The following RORA variants were observed in gnomAD, a reference collection of about 807,000 sequenced individuals.
RORA encodes the protein RAR related orphan receptor A.
Under a neutral mutation model 69.5 loss-of-function variants are expected in RORA, and 7 were observed. The observed-to-expected ratio is 0.10, with a 90% CI of 0.06 to 0.19. The LOEUF (loss-of-function observed/expected upper bound fraction) is 0.19. Ranked by LOEUF, RORA falls within the 10% of genes least tolerant of loss-of-function variation. The pLI, the probability that RORA is intolerant of heterozygous loss-of-function variation, is 1.00. For missense variants in RORA, 457 were observed against 663.0 expected (o/e 0.69, Z 3.41); for synonymous variants, 261 against 240.8 (o/e 1.08, Z -0.78).
At chr15:61,008,372 C>A (rs1894989085) in intron 1 of RORA, among the ~76,000 whole-genome samples, 1 of 151,960 alleles carries the variant, frequency 6.6e-6, no homozygotes, top group Non-Finnish European at 1.5e-5. Context: ...TGATTTAGCT[C>A]TCTAAAGAGA....
chr15:60,910,364 C>A (rs1891669092), intron 1 of RORA, among the ~76,000 whole-genome samples: 1 of 152,154 alleles, frequency 6.6e-6, no homozygotes, highest in African/African-American at 2.4e-5. Context: ...AATATTAATC[C>A]CAGGCAAGTC....
rs942009773 is a variant in RORA, at chr15:61,213,283, G to A, written c.166+15770C>T. ...CCTTCCACTCCCAACCCTCACCCCA[G>A]TCTTGGCCTTCAATATCAGTCACCA... On this transcript the variant is annotated intron_variant, in intron 1 of 10. Transcript: ENST00000335670. This position sits in a 1 kb window ranked among gnomAD's most constrained non-coding sequence, Gnocchi z 4.1. 2.0e-5 allele frequency among the ~76,000 whole-genome samples: 3 copies of A among 152,138 alleles called. No homozygotes were observed. The highest frequency in any genetic ancestry group is 3.4e-3 in the Middle Eastern group (1 of 294).
chr15:60,565,402 C>T (rs776749117), intron 2 of RORA, among the ~76,000 whole-genome samples: 11 of 152,130 alleles, frequency 7.2e-5, no homozygotes, highest in Non-Finnish European at 1.2e-4. Context: ...TTCATGTATT[C>T]ATTAGCAGAG....
intron 1 of RORA, among the ~76,000 whole-genome samples, chr15:60,803,332 C>A (rs1039684490): frequency 2.6e-4 from 40 of 152,288 alleles, no homozygotes; most frequent in African/African-American, 9.4e-4. Flanking sequence ...ATTCTTCACT[C>A]AGGGAAGGGG....
chr15:60,966,915 T>C (rs918003652), intron 1 of RORA, among the ~76,000 whole-genome samples: 1 of 152,176 alleles, frequency 6.6e-6, no homozygotes, highest in African/African-American at 2.4e-5. Context: ...TCAACTGCCA[T>C]GATGTTTCTG....
chr15:60,602,369 G>A (rs1596042772), intron 2 of RORA, among the ~76,000 whole-genome samples: 1 of 152,100 alleles, frequency 6.6e-6, no homozygotes, highest in Non-Finnish European at 1.5e-5. Flanking sequence ...TGTCTTGTTT[G>A]TTATATTATC....
At position 60,525,967 on chromosome 15, in the gene RORA, A is replaced by G. The variant is rs2066340648; in HGVS notation, c.282+5799T>C. Among the ~76,000 whole-genome samples the G allele has an allele frequency of 2.0e-5, 3 of 152,096 alleles. No individual in the cohort carries two copies. The South Asian group carries it at 6.2e-4, about 32-fold the overall frequency. ...GATAACTTCATTTTATTGAGGGGTA[A>G]ACATAAAGGGCATGCATGGATTAAA... On this transcript the variant is annotated intron_variant, in intron 3 of 10. Transcript: ENST00000335670.
At chr15:60,986,960 G>A (rs1171643018) in intron 1 of RORA, among the ~76,000 whole-genome samples, 1 of 152,130 alleles carries the variant, frequency 6.6e-6, no homozygotes, top group African/African-American at 2.4e-5. Context: ...TCATATGTTT[G>A]TTTGTTCATT....
At chr15:61,119,754 G>A (rs938273286) in intron 1 of RORA, among the ~76,000 whole-genome samples, 3 of 152,188 alleles carry the variant, frequency 2.0e-5, no homozygotes, top group African/African-American at 7.2e-5. Context: ...AGGACAGCTG[G>A]AGTATACCAG....
chr15:60,489,445 T>C lies in RORA; in HGVS notation c.*8010A>G, dbSNP rs2065006680. The C allele has an allele frequency of 6.6e-6, 1 of 152,230 alleles. No individual in the cohort carries two copies. Among genetic ancestry groups the C allele is most frequent in the Non-Finnish European group, 1.5e-5 (1 of 68,042 alleles). The allele number at this position is 152,230 out of a possible 1,614,324, so 9.4% of individuals were successfully genotyped here. A position where few individuals can be genotyped will look rare whatever the true frequency, so the allele number is the denominator to read the frequency against. ...AATCTTTGCTAAAGATCTTACAAAT[T>C]CAGTAATATTACAGAACAATTCTAA... On this transcript the variant is annotated 3_prime_UTR_variant, in exon 11 of 11. Coordinates refer to ENST00000335670, the MANE Select transcript of RORA (RefSeq NM_134261.3).
intron 1 of RORA, among the ~76,000 whole-genome samples, chr15:61,225,908 G>C (rs1197433540): frequency 6.6e-6 from 1 of 151,878 alleles, no homozygotes; most frequent in Middle Eastern, 3.2e-3. Flanking sequence ...GTGTTGTTAA[G>C]ATGGAACTGA....
At chr15:61,160,912 A>G (rs4583176) in intron 1 of RORA, among the ~76,000 whole-genome samples, 107,525 of 151,982 alleles carry the variant, frequency 0.71, 38,862 homozygotes, top group Non-Finnish European at 0.77. Context: ...ATCTGGGAAG[A>G]ATGTTTCTGG....
chr15:60,772,343 G>C (rs2072090388), intron 1 of RORA, among the ~76,000 whole-genome samples: 1 of 152,078 alleles, frequency 6.6e-6, no homozygotes, highest in Non-Finnish European at 1.5e-5. Context: ...CAGGTGGCAG[G>C]ATTCTCTTGC....
intron 1 of RORA, among the ~76,000 whole-genome samples, chr15:61,183,852 T>G (rs2079713170): frequency 6.6e-6 from 1 of 152,156 alleles, no homozygotes; most frequent in African/African-American, 2.4e-5. Flanking sequence ...ATCAATAGTC[T>G]CATGTCCTCC....
At chr15:60,892,532 C>T (rs2073823791) in intron 1 of RORA, among the ~76,000 whole-genome samples, 1 of 152,098 alleles carries the variant, frequency 6.6e-6, no homozygotes, top group Admixed American at 6.5e-5. Flanking sequence ...ACTGTTGGTA[C>T]CACCAGTGTC....
chr15:60,805,263 A>C (rs927374367), intron 1 of RORA, among the ~76,000 whole-genome samples: 5 of 152,200 alleles, frequency 3.3e-5, no homozygotes, highest in Non-Finnish European at 7.3e-5. Context: ...CAACAGCCCA[A>C]ATAAAACCAT....
At chr15:60,515,981 T>A (rs376839712) in intron 3 of RORA, among the ~76,000 whole-genome samples, 86 of 6,786 alleles carry the variant, frequency 0.013, 7 homozygotes, top group African/African-American at 0.027. Flanking sequence ...ATTTATATAT[T>A]TATATATATT....
intron 1 of RORA, among the ~76,000 whole-genome samples, chr15:60,697,839 A>G (rs530382824): frequency 1.3e-5 from 2 of 152,302 alleles, no homozygotes; most frequent in Admixed American, 6.5e-5. Flanking sequence ...TTCATATTAC[A>G]TGGTATCTCA....
chr15:60,592,362 GC>G (rs1247603649), intron 2 of RORA: 7 of 1,403,710 alleles, frequency 5.0e-6, no homozygotes, highest in Non-Finnish European at 5.6e-6. Flanking sequence ...AGCCCACCCG[GC>G]CCCGGCGGGG....
Sources: allele counts gnomAD v4.1 joint callset (sites outside exome capture counted in the v4.1 genomes callset), GRCh38; gene constraint gnomAD v4.1.1; non-coding constraint Gnocchi (gnomAD v3.1); transcripts MANE v1.5; gene names NCBI Gene and HGNC (gene_info 2026-07-23, HGNC 2026-07-21).